The following HRH1 variants were observed in gnomAD, a reference collection of about 807,000 sequenced individuals.
The protein encoded by HRH1 is histamine receptor H1, also known as histamine H1 receptor.
Under a neutral mutation model 10.3 loss-of-function variants are expected in HRH1, and 6 were observed. The ratio of observed to expected loss-of-function variants is 0.58; its 90% CI spans 0.32 to 1.15. The LOEUF (loss-of-function observed/expected upper bound fraction) is 1.15, where lower values mean the gene tolerates loss of function less well. HRH1 is among the 50% of genes most tolerant of loss of function. HRH1 has a pLI of 0.05. For synonymous variants in HRH1, 242 were observed against 236.7 expected, an observed-to-expected ratio of 1.02 and a Z score of -0.21; for missense variants, 514 against 615.3, an observed-to-expected ratio of 0.84 and a Z score of 1.74.
chr3:11,153,270 T>A (rs1283703796), upstream of HRH1, among the ~76,000 whole-genome samples: 3 of 152,128 alleles, frequency 2.0e-5, no homozygotes, highest in African/African-American at 7.2e-5. Context: ...TTGTGAGGAT[T>A]AAATGAGTAA....
At position 11,230,253 on chromosome 3, in the gene HRH1, G is replaced by A. The variant is rs147691438; in HGVS notation, c.-35-28750G>A. The stretch of plus-strand genomic sequence containing the variant: ...GTCTAAGGTAGTGAAAGTACTGGGC[G>A]TGAAGACAAGAACTTTAAATTCCAT... On this transcript the variant is annotated intron_variant, in intron 1 of 1. Transcript: ENST00000431010. Among the ~76,000 whole-genome samples, 826 of 152,330 alleles carry A rather than the reference G, an allele frequency of 5.4e-3. 7 individuals carry two copies. Among genetic ancestry groups the A allele is most frequent in the African/African-American group, 0.019 (797 of 41,568 alleles).
chr3:11,182,360 G>A (rs1448543525), intron 1 of HRH1, among the ~76,000 whole-genome samples: 2 of 152,184 alleles, frequency 1.3e-5, no homozygotes, highest in African/African-American at 2.4e-5. Context: ...GTAACTTGCT[G>A]TGTTCCTAGA....
intron 1 of HRH1, among the ~76,000 whole-genome samples, chr3:11,171,123 CTT>C (rs200795325): frequency 2.8e-5 from 4 of 142,132 alleles, no homozygotes; most frequent in Admixed American, 7.0e-5. Flanking sequence ...TTTTTCTTTT[CTT>C]TTTTTTTTTT....
At chr3:11,195,099 A>C (rs980747686) in intron 1 of HRH1, among the ~76,000 whole-genome samples, 56 of 152,176 alleles carry the variant, frequency 3.7e-4, no homozygotes, top group African/African-American at 1.4e-3. Flanking sequence ...GGGTTTCCCC[A>C]TCAATATCAC....
At position 11,259,026 on chromosome 3, in the gene HRH1, G is replaced by T; in HGVS notation, c.-12G>T. ...AGGGAGTGAGCCATAACTGGTGGCT[G>T]CTCTTGCGCCAATGAGCCTCCCCAA... is the stretch of plus-strand genomic sequence containing the variant. On this transcript the variant is annotated 5_prime_UTR_variant, in exon 2 of 2. Coordinates refer to ENST00000431010, the MANE Select transcript of HRH1 (RefSeq NM_001098212.2). The surrounding 1 kb of genome is among the most constrained non-coding windows in gnomAD (Gnocchi z 4.6). The T allele has an allele frequency of 6.4e-7, 1 of 1,573,358 alleles. No individual in the cohort carries two copies.
intron 1 of HRH1, among the ~76,000 whole-genome samples, chr3:11,247,053 G>A (rs527720716): frequency 6.6e-6 from 1 of 152,322 alleles, no homozygotes; most frequent in Admixed American, 6.5e-5. Flanking sequence ...GATGGGCACA[G>A]TGGCTCATGC....
At chr3:11,200,609 A>G (rs1217979317) in intron 1 of HRH1, among the ~76,000 whole-genome samples, 1 of 152,210 alleles carries the variant, frequency 6.6e-6, no homozygotes. Context: ...AAGAGCAGGA[A>G]CTATGTGCTG....
chr3:11,257,802 T>A (rs532409442), intron 1 of HRH1, among the ~76,000 whole-genome samples: 1 of 152,208 alleles, frequency 6.6e-6, no homozygotes, highest in South Asian at 2.1e-4. Flanking sequence ...TATAGGTGTA[T>A]TATAGGACAA....
At chr3:11,252,919 G>C (rs190036821) in intron 1 of HRH1, among the ~76,000 whole-genome samples, 1 of 151,950 alleles carries the variant, frequency 6.6e-6, no homozygotes. Flanking sequence ...TGTGTTCTTC[G>C]TCTGCGGTGG....
intron 1 of HRH1, among the ~76,000 whole-genome samples, chr3:11,200,995 G>A (rs917950403): frequency 2.2e-4 from 33 of 152,138 alleles, no homozygotes; most frequent in African/African-American, 8.0e-4. Flanking sequence ...GTTTTTTAAG[G>A]GGGAATAGAT....
intron 1 of HRH1, among the ~76,000 whole-genome samples, chr3:11,243,874 C>A (rs1939412186): frequency 6.6e-6 from 1 of 152,206 alleles, no homozygotes; most frequent in African/African-American, 2.4e-5. Context: ...ACGTTTGTCC[C>A]AGCTGAATTC....
At chr3:11,142,248 G>T (rs562781137) in intron 1 of HRH1, among the ~76,000 whole-genome samples, 18 of 152,338 alleles carry the variant, frequency 1.2e-4, no homozygotes, top group African/African-American at 4.3e-4. Flanking sequence ...AGGAGTCCTG[G>T]AGCCTAGGTC....
At chr3:11,188,340 A>G (rs531302120) in intron 1 of HRH1, among the ~76,000 whole-genome samples, 2 of 152,184 alleles carry the variant, frequency 1.3e-5, no homozygotes, top group African/African-American at 4.8e-5. Context: ...GGTGGCTGAC[A>G]CTTGTAATCT....
At chr3:11,138,704 A>T (rs1380623735) in intron 1 of HRH1, among the ~76,000 whole-genome samples, 1 of 139,390 alleles carries the variant, frequency 7.2e-6, no homozygotes, top group Non-Finnish European at 1.5e-5. Flanking sequence ...TCATAGCTGA[A>T]TTTTTTTTTT....
intron 1 of HRH1, among the ~76,000 whole-genome samples, chr3:11,164,166 C>T (rs1374086535): frequency 6.6e-6 from 1 of 152,158 alleles, no homozygotes. Flanking sequence ...TGGCCTGAGC[C>T]AAGGCATAGA....
At position 11,255,383 on chromosome 3, in the gene HRH1, A is replaced by C. The variant is rs149170308; in HGVS notation, c.-35-3620A>C. Among the ~76,000 whole-genome samples the C allele has an allele frequency of 4.5e-3, 683 of 152,364 alleles. 5 individuals are homozygous for C. The highest frequency in any genetic ancestry group is 0.015 in the African/African-American group (644 of 41,590). On this transcript the variant is annotated intron_variant, in intron 1 of 1. Coordinates refer to ENST00000431010, the MANE Select transcript of HRH1 (RefSeq NM_001098212.2). ...CAGGGAGCTGAGAGCCACCTTGAGAATGCCAAGCTGGGGAAGTGTTTAGGG... is the reference window on the plus strand; with the variant it reads ...CAGGGAGCTGAGAGCCACCTTGAGACTGCCAAGCTGGGGAAGTGTTTAGGG...
chr3:11,161,348 T>G (rs1206278058), intron 1 of HRH1, among the ~76,000 whole-genome samples: 1 of 152,274 alleles, frequency 6.6e-6, no homozygotes, highest in African/African-American at 2.4e-5. Context: ...GAGTGTTCCT[T>G]TTATTTACTT....
intron 1 of HRH1, among the ~76,000 whole-genome samples, chr3:11,215,700 C>T (rs1003068900): frequency 6.6e-6 from 1 of 152,234 alleles, no homozygotes; most frequent in Non-Finnish European, 1.5e-5. Flanking sequence ...CTCGGCCTCT[C>T]AGAGTGCTGG....
Position 11,180,948 on chromosome 3 carries a change from T to TACACACACACACACACAC in HRH1, c.-36+26429_-36+26446dup, listed in dbSNP as rs71055851. 1.3e-3 allele frequency among the ~76,000 whole-genome samples: 156 copies of TACACACACACACACACAC among 121,112 alleles called. 4 individuals are homozygous for TACACACACACACACACAC. The highest frequency in any genetic ancestry group is 3.3e-3 in the African/African-American group (106 of 32,556). The allele number at this position is 121,112 out of a possible 152,430, so 79.5% of individuals were successfully genotyped here. ...TGTGGACATACACTTCTCTCAGGCATACACACACACACACACACACACACA... is the reference window on the plus strand; with the variant it reads ...TGTGGACATACACTTCTCTCAGGCATACACACACACACACACACACACACACACACACACACACACACA... On this transcript the variant is annotated intron_variant, in intron 1 of 1. Transcript: ENST00000431010.
Sources: allele counts gnomAD v4.1 joint callset (sites outside exome capture counted in the v4.1 genomes callset), GRCh38; gene constraint gnomAD v4.1.1; non-coding constraint Gnocchi (gnomAD v3.1); transcripts MANE v1.5; gene names NCBI Gene and HGNC (gene_info 2026-07-23, HGNC 2026-07-21).